COG5: variants seen among roughly 807,000 people sequenced by gnomAD.
COG5 encodes the protein component of oligomeric golgi complex 5.
In COG5, 86 loss-of-function variants were observed where a neutral mutation model predicts 110.4. The ratio of observed to expected loss-of-function variants is 0.78; its 90% confidence interval spans 0.65 to 0.93. The LOEUF (loss-of-function observed/expected upper bound fraction) is 0.93. Ranked by LOEUF, COG5 falls within the 40% of genes least tolerant of loss-of-function variation. The probability of loss-of-function intolerance (pLI) is 0.00; values close to 1 mark genes in which losing one functional copy is unlikely to be tolerated. For synonymous variants in COG5, 360 were observed against 334.6 expected, an observed-to-expected ratio of 1.08 and a Z score of -0.83; for missense variants, 1,077 against 987.0, an observed-to-expected ratio of 1.09 and a Z score of -1.22.
intron 7 of COG5, among the ~76,000 whole-genome samples, chr7:107,398,497 T>C (rs1019411759): frequency 6.6e-6 from 1 of 152,160 alleles, no homozygotes; most frequent in African/African-American, 2.4e-5. Context: ...GCGAGGGACA[T>C]AGGTTGTGTG....
intron 6 of COG5, among the ~76,000 whole-genome samples, chr7:107,460,364 C>A (rs1176796393): frequency 6.6e-6 from 1 of 151,888 alleles, no homozygotes; most frequent in African/African-American, 2.4e-5. Flanking sequence ...AATCGTACCA[C>A]CCTGGGTGAG....
At chr7:107,264,819 T>C (rs907021620) in intron 14 of COG5, among the ~76,000 whole-genome samples, 10 of 151,960 alleles carry the variant, frequency 6.6e-5, no homozygotes, top group Admixed American at 6.6e-4. Context: ...TGTCTAAGAA[T>C]AAGGGAATGG....
intron 6 of COG5, among the ~76,000 whole-genome samples, chr7:107,423,660 C>CA (rs933313668): frequency 0.02 from 2,527 of 126,296 alleles, 60 homozygotes; most frequent in African/African-American, 0.065. Flanking sequence ...AAAGACATTA[C>CA]AAAAAAAAAA....
intron 21 of COG5, among the ~76,000 whole-genome samples, chr7:107,205,688 C>T (rs182386353): frequency 3.9e-5 from 6 of 152,292 alleles, no homozygotes; most frequent in East Asian, 1.9e-4. Context: ...TACTTTCTTG[C>T]GCAGCTCTTT....
intron 10 of COG5, among the ~76,000 whole-genome samples, chr7:107,359,883 T>A (rs554881796): frequency 6.6e-6 from 1 of 151,182 alleles, no homozygotes; most frequent in African/African-American, 2.4e-5. Flanking sequence ...GTCTCCTCTC[T>A]ACTGAAGACT....
At chr7:107,219,276 T>C (rs1349626874) in intron 19 of COG5, among the ~76,000 whole-genome samples, 1 of 152,180 alleles carries the variant, frequency 6.6e-6, no homozygotes, top group Non-Finnish European at 1.5e-5. Flanking sequence ...GAAAACTGTA[T>C]GGCAGTTCCT....
Position 107,295,157 on chromosome 7 carries a change from G to A in COG5, c.1313+2985C>T, listed in dbSNP as rs577926301. On this transcript the variant is annotated intron_variant, in intron 12 of 21. Coordinates refer to ENST00000297135, the MANE Select transcript of COG5 (RefSeq NM_006348.5). ...TCACCATGTTGGCCAGGCTAGTCTC[G>A]AACTCCTGACCTCAAGTGATCCACC... Among the ~76,000 whole-genome samples, 8 of 114,114 alleles carry A rather than the reference G, an allele frequency of 7.0e-5. No individual in the cohort carries two copies. The East Asian group carries it at 1.9e-3, about 28-fold the overall frequency. 74.9% of individuals were successfully genotyped at this position (114,114 alleles called of 152,430 possible).
intron 12 of COG5, among the ~76,000 whole-genome samples, chr7:107,287,452 T>C (rs907526516): frequency 4.6e-5 from 7 of 152,220 alleles, no homozygotes; most frequent in Non-Finnish European, 1.0e-4. Flanking sequence ...AGTGACTCCA[T>C]GTCGAATCTG....
At chr7:107,337,615 G>A (rs1810815911) in intron 10 of COG5, among the ~76,000 whole-genome samples, 1 of 151,998 alleles carries the variant, frequency 6.6e-6, no homozygotes, top group Non-Finnish European at 1.5e-5. Context: ...GAGGGAGAGA[G>A]AAGAAGGATA....
chr7:107,245,034 C>T (rs1801949269), intron 17 of COG5, among the ~76,000 whole-genome samples: 1 of 152,066 alleles, frequency 6.6e-6, no homozygotes, highest in Non-Finnish European at 1.5e-5. Context: ...TAGGCTTCAT[C>T]CCCGGGACAC....
chr7:107,209,279 T>C (rs941244041), intron 21 of COG5: 4 of 975,442 alleles, frequency 4.1e-6, no homozygotes, highest in Non-Finnish European at 4.9e-6. Flanking sequence ...GACAGAGGAG[T>C]TGAATGATGA....
At chr7:107,362,004 G>A in intron 10 of COG5, 29 bp downstream of exon 10, 3 of 1,431,750 alleles carry the variant, frequency 2.1e-6, no homozygotes, top group Admixed American at 3.7e-5. Flanking sequence ...GTACAAGAAA[G>A]ATGTAAAAAT....
At chr7:107,210,276 G>T (rs189092443) in intron 21 of COG5, 1 of 1,388,274 alleles carries the variant, frequency 7.2e-7, no homozygotes, top group Admixed American at 2.9e-5. Flanking sequence ...GGTCCTTAGG[G>T]TTGCATGGGA....
intron 10 of COG5, among the ~76,000 whole-genome samples, chr7:107,339,156 C>G (rs1455803171): frequency 1.3e-5 from 2 of 152,000 alleles, no homozygotes; most frequent in Non-Finnish European, 2.9e-5. Flanking sequence ...TAACACCTAT[C>G]AGCTCAAAGT....
chr7:107,483,490 G>A (rs372086398), intron 6 of COG5, among the ~76,000 whole-genome samples: 1 of 152,104 alleles, frequency 6.6e-6, no homozygotes, highest in African/African-American at 2.4e-5. Context: ...TGGATCACCT[G>A]AGGTTGGGAG....
intron 7 of COG5, among the ~76,000 whole-genome samples, chr7:107,391,490 A>G (rs577053465): frequency 6.6e-6 from 1 of 152,234 alleles, no homozygotes; most frequent in African/African-American, 2.4e-5. Flanking sequence ...AGTTTGATGT[A>G]GTCCCATTTG....
At chr7:107,542,817 C>CA (rs1182974338) in intron 5 of COG5, among the ~76,000 whole-genome samples, 1 of 151,576 alleles carries the variant, frequency 6.6e-6, no homozygotes, top group African/African-American at 2.4e-5. Context: ...AAAAACACAA[C>CA]AAAAAAATAG....
At chr7:107,268,652 T>C (rs1051024089) in intron 14 of COG5, among the ~76,000 whole-genome samples, 1 of 152,236 alleles carries the variant, frequency 6.6e-6, no homozygotes, top group African/African-American at 2.4e-5. Context: ...CCACTTGTGC[T>C]TTATTAGTCT....
intron 13 of COG5, 29 bp from the exon 14 acceptor site, chr7:107,281,428 A>G (rs1364707287): frequency 6.9e-7 from 1 of 1,439,800 alleles, no homozygotes; most frequent in Non-Finnish European, 9.8e-7. Flanking sequence ...GTTTTTAAAT[A>G]TTAGCAACAT....
Sources: gnomAD v4.1 joint callset for allele counts (sites outside exome capture counted in the v4.1 genomes callset) on GRCh38, gnomAD v4.1.1 for gene constraint, MANE v1.5 for transcripts, NCBI Gene and HGNC (gene_info 2026-07-23, HGNC 2026-07-21) for gene names.